Variants in SYNJ1 observed in about 807,000 individuals in gnomAD.
The protein encoded by SYNJ1 is synaptojanin 1.
In SYNJ1, 78 loss-of-function variants were observed where a neutral mutation model predicts 168.2. The ratio of observed to expected loss-of-function variants is 0.46; its 90% CI spans 0.39 to 0.56. The LOEUF (loss-of-function observed/expected upper bound fraction) is 0.56. Ranked by LOEUF, SYNJ1 falls within the 20% of genes least tolerant of loss-of-function variation. The pLI, the probability that SYNJ1 is intolerant of heterozygous loss-of-function variation, is 0.00. For missense variants in SYNJ1, 1,303 were observed against 1,597.6 expected (o/e 0.82, Z 3.14); for synonymous variants, 539 against 548.6 (o/e 0.98, Z 0.24).
chr21:32,654,679 G>A (rs1256087864), intron 21 of SYNJ1, among the ~76,000 whole-genome samples: 1 of 152,102 alleles, frequency 6.6e-6, no homozygotes, highest in African/African-American at 2.4e-5. Flanking sequence ...AGGGATTCTG[G>A]TTCTTATATC....
chr21:32,688,163 T>G (rs756575324), intron 7 of SYNJ1, 143 bp downstream of exon 7: 13 of 719,116 alleles, frequency 1.8e-5, no homozygotes, highest in Admixed American at 8.9e-5. Context: ...GTCGTAACAC[T>G]AGGTGTCACT....
chr21:32,665,851 T>C (rs1400948982), intron 17 of SYNJ1, 92 bp downstream of exon 17: 46 of 1,276,452 alleles, frequency 3.6e-5, no homozygotes, highest in Non-Finnish European at 4.6e-5. Flanking sequence ...CTAGGAACTA[T>C]CTTAAATTTC....
chr21:32,629,630 A>G lies in SYNJ1; in HGVS notation c.*2175T>C, dbSNP rs1405620720. ...CATAGGAATTTAGGTGGACATATAC[A>G]ACTCTTTATATAAAAGGAATGTTAA... On this transcript the variant is annotated 3_prime_UTR_variant, in exon 33 of 33. Transcript: ENST00000674351. 2 of 152,546 alleles carry G rather than the reference A, an allele frequency of 1.3e-5. No individual in the cohort carries two copies. Among genetic ancestry groups the G allele is most frequent in the African/African-American group, 4.8e-5 (2 of 41,466 alleles). 9.4% of individuals were successfully genotyped at this position (152,546 alleles called of 1,614,324 possible).
At chr21:32,724,451 G>A (rs1026850065) in intron 2 of SYNJ1, among the ~76,000 whole-genome samples, 5 of 152,186 alleles carry the variant, frequency 3.3e-5, no homozygotes, top group Non-Finnish European at 5.9e-5. Flanking sequence ...TCATGCCACT[G>A]CACTCCAGCC....
At position 32,630,763 on chromosome 21, in the gene SYNJ1, G is replaced by T. The variant is rs780084162; in HGVS notation, c.*1042C>A. 2.1e-5 allele frequency: 9 copies of T among 428,786 alleles called. No homozygotes were observed. Among genetic ancestry groups the T allele is most frequent in the Non-Finnish European group, 3.7e-5 (9 of 242,180 alleles). The allele number at this position is 428,786 out of a possible 1,614,324, so 26.6% of individuals were successfully genotyped here. ...ATAAGTACTTTTTATGGCTACTACT[G>T]TCTCCTATTCATCCAAAGAGAAATA... On this transcript the variant is annotated 3_prime_UTR_variant, in exon 33 of 33. Transcript: ENST00000674351.
rs556925554 is a variant in SYNJ1 at position 32,642,904 on chromosome 21, A to G, written c.3478+506T>C. Reference sequence around the variant, plus strand: ...CATCAGCCTTTTAATAACTAAAATCATAACAAATGGCCTCTAGTCTTAAAG... The same window carrying G: ...CATCAGCCTTTTAATAACTAAAATCGTAACAAATGGCCTCTAGTCTTAAAG... On this transcript the variant is annotated intron_variant, in intron 27 of 32. Coordinates refer to ENST00000674351, the MANE Select transcript of SYNJ1 (RefSeq NM_203446.3). Among the ~76,000 whole-genome samples, 10 of 152,354 alleles carry G rather than the reference A, an allele frequency of 6.6e-5. No homozygotes were observed. The South Asian group carries it at 1.7e-3, about 25-fold the overall frequency.
At chr21:32,652,490 C>T (rs573852984) in intron 22 of SYNJ1, among the ~76,000 whole-genome samples, 21 of 152,278 alleles carry the variant, frequency 1.4e-4, no homozygotes, top group South Asian at 1.2e-3. Context: ...CGTGAGCCAC[C>T]GCACCCAGCC....
chr21:32,694,153 A>G (rs2042121904), intron 6 of SYNJ1, 75 bp downstream of exon 6: 2 of 1,046,158 alleles, frequency 1.9e-6, no homozygotes. Context: ...TGAATTAATT[A>G]ATAAACTATC....
chr21:32,700,562 G>A (rs2042363201), intron 3 of SYNJ1, among the ~76,000 whole-genome samples: 1 of 152,164 alleles, frequency 6.6e-6, no homozygotes. Flanking sequence ...GGCTGAGGCA[G>A]GAGAATCACT....
At chr21:32,674,394 T>G (rs2041322440) in intron 13 of SYNJ1, among the ~76,000 whole-genome samples, 1 of 152,224 alleles carries the variant, frequency 6.6e-6, no homozygotes, top group Non-Finnish European at 1.5e-5. Context: ...CCCTGCTTTA[T>G]TTTTCTCTAT....
intron 7 of SYNJ1, among the ~76,000 whole-genome samples, chr21:32,687,293 CT>C (rs896897187): frequency 6.6e-6 from 1 of 152,196 alleles, no homozygotes; most frequent in Non-Finnish European, 1.5e-5. Context: ...ACTTCCACCC[CT>C]GTTGGAGCTG....
rs145506295 is a variant in SYNJ1 at position 32,635,574 on chromosome 21, T to C, written c.3916-690A>G. Among the ~76,000 whole-genome samples the C allele has an allele frequency of 6.2e-3, 941 of 152,264 alleles. 7 individuals are homozygous for C. Among genetic ancestry groups the C allele is most frequent in the African/African-American group, 0.019 (776 of 41,550 alleles). On this transcript the variant is annotated intron_variant, in intron 31 of 32. Transcript: ENST00000674351. ...GCCACCCAGTCTATGGTATTTCATA[T>C]GTCAACCCAAGCAGACTAAGACACA...
chr21:32,690,866 G>A (rs534948296), intron 6 of SYNJ1, among the ~76,000 whole-genome samples: 7 of 152,328 alleles, frequency 4.6e-5, no homozygotes, highest in African/African-American at 1.7e-4. Flanking sequence ...AGGTTGCGGT[G>A]AGCCAAGACT....
intron 2 of SYNJ1, among the ~76,000 whole-genome samples, chr21:32,714,949 A>G (rs1870717847): frequency 1.3e-5 from 2 of 152,194 alleles, no homozygotes; most frequent in South Asian, 4.1e-4. Flanking sequence ...CAATTGTGTC[A>G]TCCAACATAA....
At chr21:32,699,604 C>T (rs147902978) in intron 4 of SYNJ1, among the ~76,000 whole-genome samples, 330 of 152,258 alleles carry the variant, frequency 2.2e-3, no homozygotes, top group African/African-American at 7.6e-3. Flanking sequence ...CTCGTGCCTG[C>T]TCATATCTGA....
intron 23 of SYNJ1, among the ~76,000 whole-genome samples, chr21:32,647,068 C>T (rs1410945963): frequency 1.3e-5 from 2 of 152,170 alleles, no homozygotes; most frequent in Non-Finnish European, 2.9e-5. Context: ...CACAAAGACC[C>T]GCTTTGCTTT....
chr21:32,670,907 G>A, intron 14 of SYNJ1: 1 of 752,308 alleles, frequency 1.3e-6, no homozygotes, highest in Non-Finnish European at 1.6e-6. Flanking sequence ...CTAGCTGCTG[G>A]CACTCTGGAA....
At chr21:32,648,240 G>A (rs191197444) in intron 23 of SYNJ1, among the ~76,000 whole-genome samples, 3 of 152,146 alleles carry the variant, frequency 2.0e-5, no homozygotes, top group East Asian at 1.9e-4. Flanking sequence ...CACCACCCTA[G>A]GACCTCCAAT....
At chr21:32,683,348 A>G (rs1375232668) in intron 10 of SYNJ1, among the ~76,000 whole-genome samples, 1 of 152,106 alleles carries the variant, frequency 6.6e-6, no homozygotes, top group Non-Finnish European at 1.5e-5. Flanking sequence ...AAGAAAAAAA[A>G]AAAAGAAAAA....
Sources: gnomAD v4.1 joint callset for allele counts (sites outside exome capture counted in the v4.1 genomes callset) on GRCh38, gnomAD v4.1.1 for gene constraint, MANE v1.5 for transcripts, NCBI Gene and HGNC (gene_info 2026-07-23, HGNC 2026-07-21) for gene names.